EPG5: variants seen among roughly 807,000 people sequenced by gnomAD.
The protein encoded by EPG5 is ectopic P-granules 5 autophagy tethering factor, also known as ectopic P granules protein 5 homolog.
A neutral mutation model predicts 302.7 loss-of-function variants in EPG5; 159 were observed. The ratio of observed to expected loss-of-function variants is 0.53; its 90% CI spans 0.46 to 0.60. The LOEUF is 0.60. EPG5 is among the 20% of genes least tolerant of loss of function. The pLI, the probability that EPG5 is intolerant of heterozygous loss-of-function variation, is 0.00. For synonymous variants in EPG5, 1,158 were observed against 1,136.8 expected (o/e 1.02, Z -0.37); for missense variants, 2,896 against 3,092.4 (o/e 0.94, Z 1.51).
In EPG5 at chr18:45,954,619, TTTTAGCTGTTC is replaced by T; in HGVS notation, c.772_782del (p.Glu258AsnfsTer12). On this transcript the variant is annotated frameshift_variant, in exon 2 of 44. Transcript: ENST00000282041. LOFTEE classifies it high-confidence loss of function. ...CCAGCCATGAACCAGGCTCCAAGAT[TTTTAGCTGTTC>T]TTTAGTAAATGGTACTAGTTCCAGT... 1 of 1,614,226 alleles carries T rather than the reference TTTTAGCTGTTC, an allele frequency of 6.2e-7. No homozygotes were observed. Among genetic ancestry groups the T allele is most frequent in the Non-Finnish European group, 8.5e-7 (1 of 1,180,032 alleles).
At chr18:45,865,112 C>T (rs2048718279) in intron 39 of EPG5, among the ~76,000 whole-genome samples, 1 of 152,202 alleles carries the variant, frequency 6.6e-6, no homozygotes, top group African/African-American at 2.4e-5. Flanking sequence ...TCTCCTTTCA[C>T]TTAGGTTCTG....
chr18:45,857,947 C>T lies in EPG5; in HGVS notation c.7348G>A (p.Val2450Ile). Residue 2450 changes from valine to isoleucine, a missense_variant, in exon 42 of 44, where the codon GTT becomes ATT. Val to Ile is a conservative substitution (Grantham distance 29, BLOSUM62 3). Around this residue, in one of 5 missense-constraint regions of EPG5, gnomAD observed 620 missense variants for 704.2 expected, o/e 0.88. Transcript: ENST00000282041. ...TESVIRILLLVQSRQNLVAEE... is the reference protein window; with the variant it reads ...TESVIRILLLIQSRQNLVAEE... ...GCCACGAGGTTCTGCCTGCTCTGAACCAAGAGCAGAATTCGAATGACAGAT... is the reference window on the plus strand; with the variant it reads ...GCCACGAGGTTCTGCCTGCTCTGAATCAAGAGCAGAATTCGAATGACAGAT... The T allele has an allele frequency of 6.2e-7, 1 of 1,613,232 alleles. No individual in the cohort carries two copies. Among genetic ancestry groups the T allele is most frequent in the South Asian group, 1.1e-5 (1 of 91,034 alleles).
At chr18:45,821,447 A>G in the EPG5 span, among the ~76,000 whole-genome samples, 6 of 152,342 alleles carry the variant, frequency 3.9e-5, no homozygotes, top group South Asian at 4.1e-4. Flanking sequence ...CAAAAAAGAG[A>G]AGGCATTTTA....
At chr18:45,879,611 C>T (rs555576131) in intron 32 of EPG5, among the ~76,000 whole-genome samples, 1 of 152,300 alleles carries the variant, frequency 6.6e-6, no homozygotes, top group South Asian at 2.1e-4. Context: ...TCAAGTGATC[C>T]GCCCACCTTG....
chr18:45,912,563 CA>C (rs2049930648), intron 21 of EPG5, 107 bp from the exon 22 acceptor site: 2 of 1,109,870 alleles, frequency 1.8e-6, no homozygotes, highest in Non-Finnish European at 2.5e-6. Context: ...GTTTTCAATT[CA>C]ATAATATATT....
chr18:45,891,315 G>A (rs991419392), intron 27 of EPG5, among the ~76,000 whole-genome samples: 4 of 151,744 alleles, frequency 2.6e-5, no homozygotes, highest in South Asian at 2.1e-4. Flanking sequence ...CCTGGCCAAC[G>A]TGGTGAAACC....
At chr18:45,899,657 T>C (rs1023090714) in intron 26 of EPG5, 91 bp from the exon 27 acceptor site, 27 of 1,350,914 alleles carry the variant, frequency 2.0e-5, no homozygotes, top group Non-Finnish European at 2.8e-5. Context: ...GCCAGCATTA[T>C]AGTGCAGCAA....
chr18:45,922,336 T>C lies in EPG5; in HGVS notation c.3098+5A>G, dbSNP rs751531336. On this transcript the variant is annotated splice_donor_5th_base_variant and intron_variant, in intron 16 of 43. Coordinates refer to ENST00000282041, the MANE Select transcript of EPG5 (RefSeq NM_020964.3). ...TAACCCTAGTGGTTCAGCCCAACACTGTACCTGTGGCCCACAGCTGTCATA... is the reference window on the plus strand; with the variant it reads ...TAACCCTAGTGGTTCAGCCCAACACCGTACCTGTGGCCCACAGCTGTCATA... The C allele has an allele frequency of 4.3e-6, 7 of 1,614,020 alleles. No homozygotes were observed. Among genetic ancestry groups the C allele is most frequent in the Non-Finnish European group, 5.9e-6 (7 of 1,179,998 alleles).
intron 24 of EPG5, chr18:45,907,196 G>A (rs1206428690): frequency 6.6e-6 from 1 of 152,180 alleles, no homozygotes; most frequent in African/African-American, 2.4e-5. Flanking sequence ...TGTGAAAGTA[G>A]GAGGGTTTAA....
chr18:45,928,194 CAA>C (rs1005405243), intron 13 of EPG5, among the ~76,000 whole-genome samples: 1 of 145,530 alleles, frequency 6.9e-6, no homozygotes, highest in Non-Finnish European at 1.5e-5. Flanking sequence ...GCCTGGGTAA[CAA>C]GAGCAAAACT....
chr18:45,853,835 T>C (rs1306689984), intron 43 of EPG5, among the ~76,000 whole-genome samples: 1 of 152,224 alleles, frequency 6.6e-6, no homozygotes, highest in Non-Finnish European at 1.5e-5. Flanking sequence ...TTCCCATGAA[T>C]CACAGTGTCC....
In EPG5 at chr18:45,921,333, A is replaced by T. The variant is rs148257513; in HGVS notation, c.3098+1008T>A. 4.5e-3 allele frequency among the ~76,000 whole-genome samples: 683 copies of T among 152,366 alleles called. 5 individuals are homozygous for T. The highest frequency in any genetic ancestry group is 0.016 in the African/African-American group (651 of 41,586). On this transcript the variant is annotated intron_variant, in intron 16 of 43. Transcript: ENST00000282041. ...AGTGTTACAGTGAGTCTAAAACATA[A>T]GAATCAGAAAGCAGAGGTCAAAGAG...
In EPG5 at chr18:45,865,739, T is replaced by C. The variant is rs745713018; in HGVS notation, c.6642A>G (p.Gln2214=). Residue 2214 remains glutamine, a synonymous_variant, in exon 39 of 44, where the codon CAA becomes CAG. Transcript: ENST00000282041. ...ATTGAACCATCTGATGAGTAAAAGC[T>C]TGGCATTTTGGAACTGCATCCTGAC... The part of the protein sequence containing the change: ...QKHLDAVPKC[Q]AFTHQMVQFL... 2 of 1,609,282 alleles carry C rather than the reference T, an allele frequency of 1.2e-6. No homozygotes were observed. Among genetic ancestry groups the C allele is most frequent in the East Asian group, 2.2e-5 (1 of 44,800 alleles).
intron 2 of EPG5, chr18:45,953,556 C>A: frequency 3.0e-6 from 3 of 985,336 alleles, no homozygotes; most frequent in Non-Finnish European, 3.6e-6. Context: ...CAAGAGTAAC[C>A]TCTTCTTCCT....
At chr18:45,940,113 G>T (rs73953917) in intron 9 of EPG5, among the ~76,000 whole-genome samples, 1 of 152,126 alleles carries the variant, frequency 6.6e-6, no homozygotes, top group Non-Finnish European at 1.5e-5. Flanking sequence ...TACTAAAGAG[G>T]GACATTTGAT....
chr18:45,955,598 C>T (rs1040601020), intron 1 of EPG5, among the ~76,000 whole-genome samples: 6 of 152,126 alleles, frequency 3.9e-5, no homozygotes, highest in Non-Finnish European at 7.4e-5. Flanking sequence ...TCACAGTAAG[C>T]AGCAAATTCT....
chr18:45,901,191 T>C (rs760514061), intron 25 of EPG5, 24 bp from the exon 26 acceptor site: 4 of 1,601,594 alleles, frequency 2.5e-6, no homozygotes, highest in Admixed American at 1.7e-5. Flanking sequence ...AAGTCATATA[T>C]ACTGAGCAAT....
At chr18:45,883,708 C>T (rs943952340) in intron 30 of EPG5, among the ~76,000 whole-genome samples, 3 of 144,088 alleles carry the variant, frequency 2.1e-5, no homozygotes, top group African/African-American at 7.9e-5. Context: ...ATCTTCATGC[C>T]TTGGCCTCCA....
At chr18:45,935,014 C>T (rs1404507942) in intron 10 of EPG5, 48 bp from the exon 11 acceptor site, 1 of 1,535,412 alleles carries the variant, frequency 6.5e-7, no homozygotes, top group Admixed American at 2.1e-5. Flanking sequence ...CTTCATTACA[C>T]TAAGAAAGTA....
Sources: gnomAD v4.1 joint callset for allele counts (sites outside exome capture counted in the v4.1 genomes callset) on GRCh38, gnomAD v4.1.1 for gene constraint, gnomAD v4.1.1 regional missense constraint, MANE v1.5 for transcripts, NCBI Gene and HGNC (gene_info 2026-07-23, HGNC 2026-07-21) for gene names.